Variants in INSYN2B observed in about 807,000 individuals in gnomAD.
INSYN2B encodes the protein inhibitory synaptic factor family member 2B, also known as protein INSYN2B.
Under a neutral mutation model 41.2 loss-of-function variants are expected in INSYN2B, and 16 were observed. The ratio of observed to expected loss-of-function variants is 0.39; its 90% CI spans 0.26 to 0.59. INSYN2B has a LOEUF of 0.59. Among genes scored for constraint, INSYN2B ranks in the 20% least tolerant of loss-of-function variants. The probability of loss-of-function intolerance (pLI) is 0.57; values close to 1 mark genes in which losing one functional copy is unlikely to be tolerated. For synonymous variants in INSYN2B, 245 were observed against 244.4 expected (o/e 1.00, Z -0.02); for missense variants, 608 against 646.4 (o/e 0.94, Z 0.64).
At position 169,861,322 on chromosome 5, in the gene INSYN2B, G is replaced by A. The variant is rs1771182707; in HGVS notation, c.*2951C>T. ...CTTAAAACCTAGAAAAAATATGTAA[G>A]TTTATTGCAAAAGATAATATCCCGT... is the stretch of plus-strand genomic sequence containing the variant. On this transcript the variant is annotated 3_prime_UTR_variant, in exon 4 of 4. Transcript: ENST00000377365. Among the ~76,000 whole-genome samples, 1 of 152,246 alleles carries A rather than the reference G, an allele frequency of 6.6e-6. No homozygotes were observed. Among genetic ancestry groups the A allele is most frequent in the South Asian group, 2.1e-4 (1 of 4,826 alleles).
intron 1 of INSYN2B, among the ~76,000 whole-genome samples, chr5:169,942,102 T>C (rs1776266819): frequency 6.6e-6 from 1 of 152,368 alleles, no homozygotes; most frequent in South Asian, 2.1e-4. Context: ...TTTTTCTTTA[T>C]TGACCTTTTC....
intron 1 of INSYN2B, among the ~76,000 whole-genome samples, chr5:169,976,238 G>T (rs1777713383): frequency 6.6e-6 from 1 of 152,222 alleles, no homozygotes; most frequent in Admixed American, 6.5e-5. Flanking sequence ...TGCTGATGTG[G>T]AAGACGTGGC....
chr5:169,957,929 C>T (rs1776932830), intron 1 of INSYN2B, among the ~76,000 whole-genome samples: 1 of 152,180 alleles, frequency 6.6e-6, no homozygotes, highest in South Asian at 2.1e-4. Context: ...TGGAGGTTTC[C>T]AGTGGGAAGT....
At chr5:169,969,128 A>T (rs1777407171) in intron 1 of INSYN2B, among the ~76,000 whole-genome samples, 1 of 151,796 alleles carries the variant, frequency 6.6e-6, no homozygotes, top group South Asian at 2.1e-4. Context: ...CACCCTGGGT[A>T]TCAAAGTGAG....
chr5:169,944,140 G>C (rs929791136), intron 1 of INSYN2B, among the ~76,000 whole-genome samples: 3 of 152,156 alleles, frequency 2.0e-5, no homozygotes, highest in African/African-American at 7.2e-5. Flanking sequence ...TGATTTTATG[G>C]ATGGAGAAAT....
intron 3 of INSYN2B, among the ~76,000 whole-genome samples, chr5:169,879,969 A>C (rs1368544861): frequency 2.6e-5 from 4 of 152,226 alleles, no homozygotes; most frequent in Non-Finnish European, 4.4e-5. Context: ...AGTTCAAATT[A>C]ATTCTTCTTG....
intron 1 of INSYN2B, among the ~76,000 whole-genome samples, chr5:169,926,006 A>G (rs561714786): frequency 1.4e-3 from 214 of 152,258 alleles, no homozygotes; most frequent in African/African-American, 4.8e-3. Context: ...CACACCCCTC[A>G]TTCCATGGCA....
intron 1 of INSYN2B, among the ~76,000 whole-genome samples, chr5:169,968,525 G>A (rs1777382643): frequency 6.6e-6 from 1 of 152,122 alleles, no homozygotes; most frequent in Non-Finnish European, 1.5e-5. Flanking sequence ...CAATGTTCAG[G>A]GGGCCCAAGT....
intron 3 of INSYN2B, 151 bp downstream of exon 3, chr5:169,881,217 A>G: frequency 1.5e-6 from 1 of 656,180 alleles, no homozygotes; most frequent in East Asian, 2.8e-5. Flanking sequence ...AAACAAAGCA[A>G]TCCCTGCCTT....
At chr5:169,967,363 T>C (rs1777340567) in intron 1 of INSYN2B, among the ~76,000 whole-genome samples, 1 of 152,222 alleles carries the variant, frequency 6.6e-6, no homozygotes, top group Non-Finnish European at 1.5e-5. Flanking sequence ...TTGGCTCAGA[T>C]GCTGAACAAT....
intron 3 of INSYN2B, among the ~76,000 whole-genome samples, chr5:169,865,294 C>T (rs1014241936): frequency 2.0e-5 from 3 of 152,158 alleles, no homozygotes; most frequent in Admixed American, 6.5e-5. Flanking sequence ...GTGAACCTGT[C>T]GCAGAGCAGG....
chr5:169,897,438 C>T (rs1202267185), intron 1 of INSYN2B, among the ~76,000 whole-genome samples: 1 of 152,138 alleles, frequency 6.6e-6, no homozygotes, highest in Non-Finnish European at 1.5e-5. Flanking sequence ...ATCCTCCTGC[C>T]TCTTCCTCCC....
At chr5:169,930,086 G>C (rs1775672991) in intron 1 of INSYN2B, among the ~76,000 whole-genome samples, 1 of 152,160 alleles carries the variant, frequency 6.6e-6, no homozygotes, top group Non-Finnish European at 1.5e-5. Context: ...TGCCTCCTGG[G>C]TTCCGGTGAT....
At chr5:169,958,870 G>A (rs796550465) in intron 1 of INSYN2B, among the ~76,000 whole-genome samples, 9 of 152,152 alleles carry the variant, frequency 5.9e-5, no homozygotes, top group African/African-American at 2.2e-4. Context: ...TTAAGAGAGT[G>A]GGGGAAAAAC....
chr5:169,926,455 G>A (rs976951936), intron 1 of INSYN2B, among the ~76,000 whole-genome samples: 2 of 152,154 alleles, frequency 1.3e-5, no homozygotes, highest in African/African-American at 4.8e-5. Context: ...TCGGATTATG[G>A]TCTGCATTGA....
intron 3 of INSYN2B, among the ~76,000 whole-genome samples, chr5:169,877,312 A>G (rs751461955): frequency 1.3e-5 from 2 of 152,184 alleles, no homozygotes; most frequent in South Asian, 2.1e-4. Flanking sequence ...AGCAATCTGC[A>G]TGGAGGATTA....
intron 1 of INSYN2B, among the ~76,000 whole-genome samples, chr5:169,941,570 T>C (rs566649551): frequency 5.3e-4 from 80 of 152,222 alleles, no homozygotes; most frequent in African/African-American, 1.9e-3. Context: ...TGCACAGTGA[T>C]GGAAAGAAGA....
chr5:169,869,940 GA>G (rs2113452109), intron 3 of INSYN2B, among the ~76,000 whole-genome samples: 1 of 152,212 alleles, frequency 6.6e-6, no homozygotes, highest in East Asian at 1.9e-4. Flanking sequence ...GATAGGTGCA[GA>G]GTGCTGAGTT....
At chr5:169,917,147 G>A (rs968040758) in intron 1 of INSYN2B, among the ~76,000 whole-genome samples, 7 of 152,282 alleles carry the variant, frequency 4.6e-5, no homozygotes, top group African/African-American at 1.7e-4. Context: ...ACCTTTTTTA[G>A]TGAAGGAAAA....
Sources: gnomAD v4.1 joint callset for allele counts (sites outside exome capture counted in the v4.1 genomes callset) on GRCh38, gnomAD v4.1.1 for gene constraint, MANE v1.5 for transcripts, NCBI Gene and HGNC (gene_info 2026-07-23, HGNC 2026-07-21) for gene names.